Variants in DENND1B observed in about 807,000 individuals in gnomAD.
DENND1B encodes DENN domain containing 1B, also known as DENN domain-containing protein 1B.
In DENND1B, 59 loss-of-function variants were observed where a neutral mutation model predicts 90.1. That is an observed-to-expected ratio of 0.65 (90% CI 0.53 to 0.81). DENND1B has a LOEUF of 0.81. Ranked by LOEUF, DENND1B falls within the 40% of genes least tolerant of loss-of-function variation. DENND1B has a pLI of 0.00. For synonymous variants in DENND1B, 337 were observed against 324.6 expected, an observed-to-expected ratio of 1.04 and a Z score of -0.41; for missense variants, 862 against 912.6, an observed-to-expected ratio of 0.94 and a Z score of 0.71.
At chr1:197,669,920 T>C (rs1655318838) in intron 5 of DENND1B, among the ~76,000 whole-genome samples, 1 of 152,142 alleles carries the variant, frequency 6.6e-6, no homozygotes, top group Non-Finnish European at 1.5e-5. Context: ...TCATATTTTC[T>C]GCAGGTTAAA....
intron 15 of DENND1B, among the ~76,000 whole-genome samples, chr1:197,579,454 T>C (rs1430442025): frequency 1.3e-5 from 2 of 152,190 alleles, no homozygotes; most frequent in African/African-American, 4.8e-5. Flanking sequence ...TTCCATTTTG[T>C]TTAGTGTTTT....
rs144591637 is a variant in DENND1B, at chr1:197,668,492, T to G, written c.296+3545A>C. On this transcript the variant is annotated intron_variant, in intron 5 of 22. Transcript: ENST00000620048. Reference sequence around the variant, plus strand: ...GTTGTCAACACTTTTAAATTTATTTTTTATTATTTCTTTAAATTGACAGAT... The same window carrying G: ...GTTGTCAACACTTTTAAATTTATTTGTTATTATTTCTTTAAATTGACAGAT... 5.8e-3 allele frequency among the ~76,000 whole-genome samples: 889 copies of G among 152,036 alleles called. 10 individuals are homozygous for G. Among genetic ancestry groups the G allele is most frequent in the African/African-American group, 0.02 (820 of 41,514 alleles).
At chr1:197,667,448 T>TC (rs1319422846) in intron 5 of DENND1B, among the ~76,000 whole-genome samples, 1 of 152,100 alleles carries the variant, frequency 6.6e-6, no homozygotes, top group Non-Finnish European at 1.5e-5. Flanking sequence ...ATCTTTTTTT[T>TC]CCGAGACAGA....
chr1:197,687,425 G>A (rs1341114682), intron 3 of DENND1B, among the ~76,000 whole-genome samples: 4 of 152,062 alleles, frequency 2.6e-5, no homozygotes, highest in African/African-American at 9.7e-5. Context: ...TAACCAGAAT[G>A]TTTGAAGAAA....
At chr1:197,526,658 A>G (rs1165134473) in intron 20 of DENND1B, among the ~76,000 whole-genome samples, 1 of 152,170 alleles carries the variant, frequency 6.6e-6, no homozygotes, top group Non-Finnish European at 1.5e-5. Flanking sequence ...GTCAACTTTA[A>G]AATGTCTCAA....
intron 3 of DENND1B, among the ~76,000 whole-genome samples, chr1:197,680,792 G>T (rs1656604574): frequency 6.6e-6 from 1 of 152,076 alleles, no homozygotes; most frequent in South Asian, 2.1e-4. Flanking sequence ...TCAAATTCTG[G>T]TTCTGCAAAC....
At chr1:197,721,821 C>T (rs1053293179) in intron 2 of DENND1B, among the ~76,000 whole-genome samples, 3 of 152,040 alleles carry the variant, frequency 2.0e-5, no homozygotes, top group Admixed American at 1.3e-4. Context: ...AACCCAAATA[C>T]TACTGATACT....
intron 10 of DENND1B, among the ~76,000 whole-genome samples, chr1:197,630,892 T>C (rs754708741): frequency 1.3e-5 from 2 of 152,100 alleles, no homozygotes; most frequent in Non-Finnish European, 2.9e-5. Context: ...GGAACTTACA[T>C]TCTAGTTACC....
chr1:197,643,457 AG>A (rs1308226708), intron 9 of DENND1B, among the ~76,000 whole-genome samples: 6 of 152,094 alleles, frequency 3.9e-5, no homozygotes, highest in Non-Finnish European at 5.9e-5. Flanking sequence ...CACCTGGCCA[AG>A]AATCTGTTTT....
At chr1:197,754,666 A>C (rs1654036210) in intron 2 of DENND1B, among the ~76,000 whole-genome samples, 2 of 36,750 alleles carry the variant, frequency 5.4e-5, no homozygotes, top group African/African-American at 9.4e-5. Flanking sequence ...TCTCAAAAAA[A>C]AAAAAAAAAA....
chr1:197,604,328 G>A (rs747604188), intron 13 of DENND1B, among the ~76,000 whole-genome samples: 4 of 151,152 alleles, frequency 2.6e-5, no homozygotes, highest in African/African-American at 4.8e-5. Context: ...GCTTTGCCCT[G>A]ATTTATTTTT....
At chr1:197,729,275 T>G (rs1661937069) in intron 2 of DENND1B, among the ~76,000 whole-genome samples, 1 of 152,180 alleles carries the variant, frequency 6.6e-6, no homozygotes. Context: ...CTTTTTCAGT[T>G]TTTTATTGAG....
At chr1:197,685,668 G>A (rs544819337) in intron 3 of DENND1B, 1 of 152,258 alleles carries the variant, frequency 6.6e-6, no homozygotes, top group South Asian at 2.1e-4. Context: ...AGTAGTGGAA[G>A]TAGAGAAGGA....
intron 20 of DENND1B, among the ~76,000 whole-genome samples, chr1:197,518,169 C>A (rs1161318155): frequency 6.6e-6 from 1 of 151,774 alleles, no homozygotes; most frequent in Non-Finnish European, 1.5e-5. Flanking sequence ...CTGAAAGGAG[C>A]AAAATGATTA....
At chr1:197,594,180 G>A (rs184713745) in intron 14 of DENND1B, among the ~76,000 whole-genome samples, 5 of 152,084 alleles carry the variant, frequency 3.3e-5, no homozygotes, top group Admixed American at 6.5e-5. Flanking sequence ...CAGCGGATCT[G>A]CCCATGCATT....
intron 2 of DENND1B, among the ~76,000 whole-genome samples, chr1:197,755,333 AATACTTTCTCAAC>A (rs1422901129): frequency 6.6e-6 from 1 of 152,182 alleles, no homozygotes; most frequent in Non-Finnish European, 1.5e-5. Context: ...TCATATGAAA[AATACTTTCTCAAC>A]ATACTTTCTA....
At chr1:197,763,282 A>G (rs975576762) in intron 2 of DENND1B, among the ~76,000 whole-genome samples, 1 of 152,152 alleles carries the variant, frequency 6.6e-6, no homozygotes, top group African/African-American at 2.4e-5. Context: ...CTTTTTATAT[A>G]TATTTTTTTA....
At chr1:197,683,116 A>T (rs909501414) in intron 3 of DENND1B, among the ~76,000 whole-genome samples, 2 of 152,150 alleles carry the variant, frequency 1.3e-5, no homozygotes, top group Non-Finnish European at 2.9e-5. Context: ...GACTTCCTGG[A>T]GTGATAGATT....
At chr1:197,717,470 A>C (rs148941872) in intron 2 of DENND1B, among the ~76,000 whole-genome samples, 1 of 152,078 alleles carries the variant, frequency 6.6e-6, no homozygotes, top group African/African-American at 2.4e-5. Flanking sequence ...AAAGAAAAAA[A>C]TTTTACTGCC....
Sources: allele counts gnomAD v4.1 joint callset (sites outside exome capture counted in the v4.1 genomes callset), GRCh38; gene constraint gnomAD v4.1.1; transcripts MANE v1.5; gene names NCBI Gene and HGNC (gene_info 2026-07-23, HGNC 2026-07-21).